The following RASAL2 variants were observed in gnomAD, a reference collection of about 807,000 sequenced individuals.
RASAL2 encodes the protein ras GTPase-activating protein nGAP.
RASAL2 carries 58 observed loss-of-function variants against 128.9 expected under a neutral mutation model. The ratio of observed to expected loss-of-function variants is 0.45; its 90% CI spans 0.36 to 0.56. The LOEUF is 0.56. Among genes scored for constraint, RASAL2 ranks in the 20% least tolerant of loss-of-function variants. The probability of loss-of-function intolerance (pLI) is 0.00; values close to 1 mark genes in which losing one functional copy is unlikely to be tolerated. For synonymous variants in RASAL2, 561 were observed against 580.8 expected, an observed-to-expected ratio of 0.97 and a Z score of 0.49; for missense variants, 1,360 against 1,601.6, an observed-to-expected ratio of 0.85 and a Z score of 2.57.
intron 1 of RASAL2, among the ~76,000 whole-genome samples, chr1:178,175,437 C>T (rs200466044): frequency 3.5e-5 from 5 of 144,438 alleles, no homozygotes; most frequent in East Asian, 2.0e-4. Context: ...TACATGGTTA[C>T]GTGTGTGTGT....
chr1:178,258,998 A>G (rs1665520361), intron 1 of RASAL2, among the ~76,000 whole-genome samples: 1 of 152,140 alleles, frequency 6.6e-6, no homozygotes, highest in Non-Finnish European at 1.5e-5. Flanking sequence ...AAGACCACAC[A>G]TATTATATGA....
At chr1:178,463,216 GCTAA>G (rs1395089560) in intron 14 of RASAL2, among the ~76,000 whole-genome samples, 2 of 151,954 alleles carry the variant, frequency 1.3e-5, no homozygotes, top group African/African-American at 4.8e-5. Context: ...ATTATAAAAG[GCTAA>G]CTCACATGCC....
chr1:178,369,590 CCTTT>C (rs1671592324), intron 3 of RASAL2, among the ~76,000 whole-genome samples: 1 of 151,836 alleles, frequency 6.6e-6, no homozygotes, highest in African/African-American at 2.4e-5. Flanking sequence ...ATTTTGATGA[CCTTT>C]CTAACTATAC....
intron 1 of RASAL2, among the ~76,000 whole-genome samples, chr1:178,153,989 C>G (rs1660996179): frequency 6.6e-6 from 1 of 151,960 alleles, no homozygotes; most frequent in Non-Finnish European, 1.5e-5. Context: ...GCGCCCGCCA[C>G]CACGCCTGGC....
At chr1:178,471,881 C>G (rs955239895) in intron 17 of RASAL2, among the ~76,000 whole-genome samples, 11 of 152,078 alleles carry the variant, frequency 7.2e-5, no homozygotes, top group African/African-American at 2.7e-4. Context: ...AGCCCTGAGC[C>G]CTGCTACTTC....
rs551502103 is a variant in RASAL2 at position 178,115,060 on chromosome 1, G to A, written c.202+20366G>A. On this transcript the variant is annotated intron_variant, in intron 1 of 17. Coordinates refer to ENST00000367649, the MANE Select transcript of RASAL2 (RefSeq NM_170692.4). ...TTCTGGAAGAGTTTGTGTAGAATTA[G>A]TACTATTTCTTCCTTATATATTTGG... Among the ~76,000 whole-genome samples the A allele has an allele frequency of 1.4e-3, 207 of 152,190 alleles. 1 individual carries two copies. The highest frequency in any genetic ancestry group is 4.8e-3 in the African/African-American group (199 of 41,514).
At chr1:178,307,803 C>T (rs991579467) in intron 3 of RASAL2, among the ~76,000 whole-genome samples, 2 of 152,150 alleles carry the variant, frequency 1.3e-5, no homozygotes, top group Admixed American at 6.5e-5. Context: ...TTTGACATTC[C>T]GGTAAAGTTC....
rs964208743 is a variant in RASAL2 at position 178,441,727 on chromosome 1, C to A, written c.927+80C>A. The A allele has an allele frequency of 9.3e-6, 10 of 1,069,826 alleles. No homozygotes were observed. The East Asian group carries it at 1.3e-4, about 14-fold the overall frequency. The allele number at this position is 1,069,826 out of a possible 1,614,324, so 66.3% of individuals were successfully genotyped here. On this transcript the variant is annotated intron_variant, in intron 7 of 17. Transcript: ENST00000367649. Reference sequence around the variant, plus strand: ...ATAGAAGGTAAGTGTGGTAGTAATACCTTAATTTGTCTATAGCTTGAGAGT... The same window carrying A: ...ATAGAAGGTAAGTGTGGTAGTAATAACTTAATTTGTCTATAGCTTGAGAGT...
chr1:178,367,667 CTACA>C (rs1671475715), intron 3 of RASAL2, among the ~76,000 whole-genome samples: 1 of 152,028 alleles, frequency 6.6e-6, no homozygotes, highest in Non-Finnish European at 1.5e-5. Context: ...GAAGAAAGGG[CTACA>C]TATTTTATGC....
intron 3 of RASAL2, among the ~76,000 whole-genome samples, chr1:178,301,896 G>A (rs547191392): frequency 6.6e-6 from 1 of 152,224 alleles, no homozygotes; most frequent in Admixed American, 6.5e-5. Context: ...AGTGTTCGAG[G>A]TACTGGCCCC....
At chr1:178,188,208 T>A (rs1231602548) in intron 1 of RASAL2, among the ~76,000 whole-genome samples, 1 of 152,190 alleles carries the variant, frequency 6.6e-6, no homozygotes, top group Non-Finnish European at 1.5e-5. Flanking sequence ...ATTTTCTCTT[T>A]GTAACTCCCT....
intron 14 of RASAL2, among the ~76,000 whole-genome samples, chr1:178,461,269 G>T (rs979954927): frequency 2.0e-5 from 3 of 152,152 alleles, no homozygotes; most frequent in African/African-American, 7.2e-5. Context: ...GAAACTAGAG[G>T]ATTTCTTTGT....
chr1:178,444,626 A>T lies in RASAL2; in HGVS notation c.1483-892A>T, dbSNP rs1360555236. Among the ~76,000 whole-genome samples the T allele has an allele frequency of 2.0e-5, 3 of 152,142 alleles. No individual in the cohort carries two copies. The East Asian group carries it at 5.8e-4, about 29-fold the overall frequency. On this transcript the variant is annotated intron_variant, in intron 8 of 17. Coordinates refer to ENST00000367649, the MANE Select transcript of RASAL2 (RefSeq NM_170692.4). Reference sequence around the variant, plus strand: ...TAGAAGTTCTTTAAGACTGTTGAGGAATGAAGCAGCTGTTTCTTTGCACCT... The same window carrying T: ...TAGAAGTTCTTTAAGACTGTTGAGGTATGAAGCAGCTGTTTCTTTGCACCT...
In RASAL2 at chr1:178,164,811, TTCA is replaced by T. The variant is rs1661462418; in HGVS notation, c.202+70121_202+70123del. ...TAAGTTTTTTAGAACATACGCTTTG[TTCA>T]TCAAACGTTTGTGTGTGTGTGTGTG... is the stretch of plus-strand genomic sequence containing the variant. On this transcript the variant is annotated intron_variant, in intron 1 of 17. Transcript: ENST00000367649. Among the ~76,000 whole-genome samples the T allele has an allele frequency of 2.1e-5, 3 of 143,658 alleles. No individual in the cohort carries two copies. The South Asian group carries it at 6.7e-4, about 32-fold the overall frequency. 94.2% of individuals were successfully genotyped at this position (143,658 alleles called of 152,430 possible).
At chr1:178,278,201 G>A (rs1053270585) in intron 1 of RASAL2, among the ~76,000 whole-genome samples, 4 of 152,096 alleles carry the variant, frequency 2.6e-5, no homozygotes, top group Non-Finnish European at 5.9e-5. Flanking sequence ...CCTCCACCCC[G>A]TCCTGCTAGT....
rs115734990 is a variant in RASAL2 at position 178,111,762 on chromosome 1, C to T, written c.202+17068C>T. Among the ~76,000 whole-genome samples, 271 of 152,250 alleles carry T rather than the reference C, an allele frequency of 1.8e-3. 2 individuals carry two copies. Among genetic ancestry groups the T allele is most frequent in the African/African-American group, 6.3e-3 (261 of 41,544 alleles). Reference sequence around the variant, plus strand: ...TATTTTGTTTTAAGATGGAGTCTTGCTTTGTCACCCAGGTTGTAGTGCGAT... The same window carrying T: ...TATTTTGTTTTAAGATGGAGTCTTGTTTTGTCACCCAGGTTGTAGTGCGAT... On this transcript the variant is annotated intron_variant, in intron 1 of 17. Coordinates refer to ENST00000367649, the MANE Select transcript of RASAL2 (RefSeq NM_170692.4).
At chr1:178,189,167 T>A (rs1215172858) in intron 1 of RASAL2, among the ~76,000 whole-genome samples, 1 of 152,226 alleles carries the variant, frequency 6.6e-6, no homozygotes, top group Non-Finnish European at 1.5e-5. Flanking sequence ...TTATGGCTAA[T>A]CATTATGGCA....
At chr1:178,096,155 G>T (rs963944019) in intron 1 of RASAL2, among the ~76,000 whole-genome samples, 5 of 152,176 alleles carry the variant, frequency 3.3e-5, no homozygotes, top group African/African-American at 1.2e-4. Context: ...AACAAAGGTT[G>T]GTGAGAATCT....
At chr1:178,200,557 T>A (rs1220672657) in intron 1 of RASAL2, among the ~76,000 whole-genome samples, 1 of 152,174 alleles carries the variant, frequency 6.6e-6, no homozygotes, top group East Asian at 1.9e-4. Flanking sequence ...GAGCCTCAAA[T>A]CTGTTAAGAT....
Sources: allele counts gnomAD v4.1 joint callset (sites outside exome capture counted in the v4.1 genomes callset), GRCh38; gene constraint gnomAD v4.1.1; transcripts MANE v1.5; gene names NCBI Gene and HGNC (gene_info 2026-07-23, HGNC 2026-07-21).